WDR26: variants seen among roughly 807,000 people sequenced by gnomAD.
WDR26 encodes the protein WD repeat domain 26, also known as WD repeat-containing protein 26.
WDR26 carries 5 observed loss-of-function variants against 84.1 expected under a neutral mutation model. The observed-to-expected ratio is 0.06, with a 90% CI of 0.03 to 0.13. The LOEUF (loss-of-function observed/expected upper bound fraction) is 0.13. WDR26 is among the 10% of genes least tolerant of loss of function. The pLI is 1.00. For missense variants in WDR26, 642 were observed against 974.9 expected, an observed-to-expected ratio of 0.66 and a Z score of 4.55; for synonymous variants, 415 against 389.6, an observed-to-expected ratio of 1.07 and a Z score of -0.77.
chr1:224,396,688 G>A (rs1309104781), intron 12 of WDR26, among the ~76,000 whole-genome samples: 1 of 152,184 alleles, frequency 6.6e-6, no homozygotes, highest in East Asian at 1.9e-4. Context: ...GCTGGGCGCG[G>A]TGGCTCATGC....
At chr1:224,427,144 TGGTATTTTTTAAATTC>T (rs1482522327) in intron 3 of WDR26, among the ~76,000 whole-genome samples, 30 of 147,970 alleles carry the variant, frequency 2.0e-4, no homozygotes, top group African/African-American at 7.1e-4. Context: ...TTCCATTTTG[TGGTATTTTTTAAATTC>T]AAACTTGAAA....
intron 13 of WDR26, among the ~76,000 whole-genome samples, chr1:224,391,371 A>AC (rs1673120625): frequency 4.4e-5 from 5 of 114,326 alleles, no homozygotes; most frequent in East Asian, 2.1e-4. Context: ...CTCAAAAAAA[A>AC]AAAAAAAAAA....
At chr1:224,422,194 G>A (rs182556694) in intron 4 of WDR26, among the ~76,000 whole-genome samples, 2 of 152,300 alleles carry the variant, frequency 1.3e-5, no homozygotes, top group Non-Finnish European at 2.9e-5. Flanking sequence ...GAGGGGACAA[G>A]CAGTGCAAAT....
intron 3 of WDR26, chr1:224,429,532 ACAC>A (rs1674325873): frequency 6.6e-6 from 1 of 152,240 alleles, no homozygotes; most frequent in Non-Finnish European, 1.5e-5. Context: ...GTAAATTTAA[ACAC>A]AATTAGAGAG....
At position 224,393,948 on chromosome 1, in the gene WDR26, G is replaced by C. The variant is rs771118264; in HGVS notation, c.2140C>G (p.Arg714Gly). 6.4e-7 allele frequency: 1 copy of C among 1,571,174 alleles called. No individual in the cohort carries two copies. The highest frequency in any genetic ancestry group is 1.7e-5 in the Admixed American group (1 of 59,560). The change falls in exon 13 of 14, where the codon CGT (arginine) becomes GGT (glycine). Residue 714 changes from arginine (R) to glycine (G), a missense_variant. Physicochemically the swap from Arg to Gly is moderately radical, Grantham distance 125 (BLOSUM62 -2). Coordinates refer to ENST00000414423, the MANE Select transcript of WDR26 (RefSeq NM_001379403.1). ...TTCCAGCTCACACAGTTTACTGTAC[G>C]TGTGTGCCCTGTCAGCTCCGCAATT...
intron 7 of WDR26, among the ~76,000 whole-genome samples, chr1:224,407,149 A>ATATATAT (rs1269837626): frequency 1.1e-4 from 2 of 17,852 alleles, no homozygotes; most frequent in East Asian, 2.2e-3. Context: ...AAAAAAAAAA[A>ATATATAT]AAATATATAT....
intron 3 of WDR26, chr1:224,429,543 G>C (rs574622484): frequency 5.9e-5 from 9 of 152,298 alleles, no homozygotes; most frequent in African/African-American, 2.2e-4. Context: ...CACAATTAGA[G>C]AGGTGAAGAG....
chr1:224,396,110 C>T (rs1328455422), intron 12 of WDR26, among the ~76,000 whole-genome samples: 1 of 152,154 alleles, frequency 6.6e-6, no homozygotes, highest in Non-Finnish European at 1.5e-5. Flanking sequence ...AAAACATTTT[C>T]AAAACCATTC....
intron 13 of WDR26, among the ~76,000 whole-genome samples, chr1:224,390,726 C>T (rs981608168): frequency 6.6e-6 from 1 of 152,070 alleles, no homozygotes; most frequent in Non-Finnish European, 1.5e-5. Context: ...GCCGAGATTG[C>T]ACCACTGCAC....
intron 6 of WDR26, among the ~76,000 whole-genome samples, chr1:224,412,515 T>C (rs1015384020): frequency 6.6e-6 from 1 of 152,232 alleles, no homozygotes; most frequent in African/African-American, 2.4e-5. Flanking sequence ...ATCTGACACT[T>C]AGCTAGTACC....
chr1:224,433,809 G>A lies in WDR26; in HGVS notation c.597C>T (p.Thr199=), dbSNP rs1295139939. ...GGGTGGCCAAGGAAGAGGAGGCGGC[G>A]GTGGTGGCGGAGGCAGCTGCGACGG... Residue 199 remains threonine (T), a synonymous_variant, in exon 1 of 14, where the codon ACC becomes ACT. Transcript: ENST00000414423. 8.5e-6 allele frequency: 13 copies of A among 1,536,854 alleles called. No homozygotes were observed. The Admixed American group carries it at 2.6e-4, about 30-fold the overall frequency.
At position 224,434,654 on chromosome 1, in the gene WDR26, G is replaced by A. The variant is rs1674556831; in HGVS notation, c.-249C>T. ...CGCCGCGGGGCGGCTGCGGGGGCGC[G>A]GGGCCCGCCGCTGGGCTGAGCCCCG... On this transcript the variant is annotated 5_prime_UTR_variant, in exon 1 of 14. Transcript: ENST00000414423. The A allele has an allele frequency of 3.0e-5, 23 of 758,956 alleles. No homozygotes were observed. The South Asian group carries it at 9.0e-4, about 30-fold the overall frequency. The allele number at this position is 758,956 out of a possible 1,614,324, so 47.0% of individuals were successfully genotyped here.
chr1:224,398,472 G>A (rs780097855), intron 11 of WDR26, 43 bp downstream of exon 11: 7 of 1,524,372 alleles, frequency 4.6e-6, no homozygotes, highest in Non-Finnish European at 6.2e-6. Flanking sequence ...AATAAAACTT[G>A]TACTAAGCCA....
Position 224,433,746 on chromosome 1 carries a change from G to A in WDR26, c.660C>T (p.Leu220=). Residue 220 remains leucine (L), a synonymous_variant, in exon 1 of 14, where the codon CTC becomes CTT. Coordinates refer to ENST00000414423, the MANE Select transcript of WDR26 (RefSeq NM_001379403.1). ...TAATGACATCCTCATCTGACTGGGA[G>A]AGCCGCTTCTTCTTCTTGAGGCTGC... The A allele has an allele frequency of 1.3e-6, 2 of 1,536,332 alleles. No homozygotes were observed. The highest frequency in any genetic ancestry group is 1.7e-6 in the Non-Finnish European group (2 of 1,146,406).
chr1:224,401,804 G>C (rs1673430379), intron 8 of WDR26, among the ~76,000 whole-genome samples: 1 of 151,022 alleles, frequency 6.6e-6, no homozygotes, highest in Non-Finnish European at 1.5e-5. Context: ...CAATATAGTA[G>C]GGAAGGTAGA....
rs1411597236 is a variant in WDR26, at chr1:224,389,432, T to C, written c.*403A>G. 4.5e-6 allele frequency: 2 copies of C among 440,076 alleles called. No individual in the cohort carries two copies. Among genetic ancestry groups the C allele is most frequent in the African/African-American group, 4.1e-5 (2 of 48,556 alleles). 27.3% of individuals were successfully genotyped at this position (440,076 alleles called of 1,614,324 possible). A position where few individuals can be genotyped will look rare whatever the true frequency, so the allele number is the denominator to read the frequency against. On this transcript the variant is annotated 3_prime_UTR_variant, in exon 14 of 14. Transcript: ENST00000414423. The stretch of plus-strand genomic sequence containing the variant: ...TCTTCAGACTAATGCACTCTTTCTA[T>C]CAAGCCTTCTAAACTGTTAAATAAA...
intron 4 of WDR26, among the ~76,000 whole-genome samples, chr1:224,420,413 A>G (rs925242529): frequency 2.0e-5 from 3 of 152,200 alleles, no homozygotes; most frequent in Non-Finnish European, 4.4e-5. Context: ...CCTGGCAAGT[A>G]ACTCTCCTGC....
chr1:224,407,134 AAAAAAAAAAAAAAAAAAAT>A (rs1165305046), intron 7 of WDR26, among the ~76,000 whole-genome samples: 4 of 33,514 alleles, frequency 1.2e-4, no homozygotes, highest in African/African-American at 3.3e-4. Flanking sequence ...AAAAAAAAAA[AAAAAAAAAAAAAAAAAAAT>A]ATATATATAT....
At chr1:224,402,919 A>T (rs1351876804) in intron 8 of WDR26, among the ~76,000 whole-genome samples, 1 of 152,188 alleles carries the variant, frequency 6.6e-6, no homozygotes, top group African/African-American at 2.4e-5. Flanking sequence ...ATTATAGTTA[A>T]TGTTCTTAGA....
Sources: allele counts gnomAD v4.1 joint callset (sites outside exome capture counted in the v4.1 genomes callset), GRCh38; gene constraint gnomAD v4.1.1; transcripts MANE v1.5; gene names NCBI Gene and HGNC (gene_info 2026-07-23, HGNC 2026-07-21).